The following CHL1 variants were observed in gnomAD, a reference collection of about 807,000 sequenced individuals.
CHL1 encodes the protein cell adhesion molecule L1 like.
CHL1 carries 96 observed loss-of-function variants against 141.9 expected under a neutral mutation model. The observed-to-expected ratio is 0.68, with a 90% confidence interval of 0.57 to 0.80. CHL1 has a LOEUF of 0.80. CHL1 is among the 30% of genes least tolerant of loss of function. The probability of loss-of-function intolerance (pLI) is 0.00; values close to 1 mark genes in which losing one functional copy is unlikely to be tolerated. For synonymous variants in CHL1, 613 were observed against 502.2 expected (o/e 1.22, Z -2.95); for missense variants, 1,820 against 1,457.2 (o/e 1.25, Z -4.05).
intron 1 of CHL1, among the ~76,000 whole-genome samples, chr3:240,715 T>A (rs914201027): frequency 2.6e-5 from 4 of 152,256 alleles, no homozygotes; most frequent in African/African-American, 9.6e-5. Context: ...TTCTAGAATT[T>A]TTATAGGTAT....
chr3:398,613 C>A (rs552425287), intron 25 of CHL1, among the ~76,000 whole-genome samples: 2 of 152,160 alleles, frequency 1.3e-5, no homozygotes, highest in Non-Finnish European at 2.9e-5. Flanking sequence ...CTAAAAATAT[C>A]TCCTGCTAAT....
chr3:250,611 A>T (rs1465850573), intron 2 of CHL1, among the ~76,000 whole-genome samples: 1 of 152,094 alleles, frequency 6.6e-6, no homozygotes, highest in Non-Finnish European at 1.5e-5. Flanking sequence ...TTTTAGGCCT[A>T]TAGTGGGGAG....
chr3:247,232 G>A (rs1191678109), intron 2 of CHL1: 2 of 151,736 alleles, frequency 1.3e-5, no homozygotes, highest in Admixed American at 6.6e-5. Flanking sequence ...CCAGGGCTTG[G>A]CTCCTGTACC....
At chr3:357,054 T>A (rs73814709) in intron 11 of CHL1, among the ~76,000 whole-genome samples, 1 of 152,218 alleles carries the variant, frequency 6.6e-6, no homozygotes, top group Non-Finnish European at 1.5e-5. Flanking sequence ...TGGATTTATT[T>A]TGAAATTGAG....
At chr3:236,051 C>T (rs889472289) in intron 1 of CHL1, among the ~76,000 whole-genome samples, 3 of 152,088 alleles carry the variant, frequency 2.0e-5, no homozygotes, top group African/African-American at 7.2e-5. Flanking sequence ...GTTTGGCTGC[C>T]TCAGCATTCA....
chr3:396,505 C>T (rs900666913), intron 24 of CHL1, among the ~76,000 whole-genome samples: 6 of 152,052 alleles, frequency 3.9e-5, no homozygotes, highest in Admixed American at 6.6e-5. Flanking sequence ...ATATATGTTG[C>T]GAAATTTGGG....
intron 2 of CHL1, among the ~76,000 whole-genome samples, chr3:314,329 G>GTGTGTATA (rs1455318071): frequency 1.5e-4 from 10 of 65,334 alleles, no homozygotes; most frequent in African/African-American, 4.7e-4. Context: ...CTCTCTATGT[G>GTGTGTATA]TATATATATA....
chr3:296,596 C>G (rs1052041120), intron 2 of CHL1, among the ~76,000 whole-genome samples: 5 of 152,136 alleles, frequency 3.3e-5, no homozygotes, highest in Non-Finnish European at 7.4e-5. Flanking sequence ...CTGTGACTAT[C>G]CACACTTGGG....
At chr3:258,401 C>T (rs1012665064) in intron 2 of CHL1, among the ~76,000 whole-genome samples, 3 of 152,216 alleles carry the variant, frequency 2.0e-5, no homozygotes, top group African/African-American at 7.2e-5. Flanking sequence ...ACATCTCTCC[C>T]TCTTGGGGCT....
chr3:387,705 TCA>T (rs1707870247), intron 19 of CHL1, among the ~76,000 whole-genome samples: 2 of 152,170 alleles, frequency 1.3e-5, no homozygotes, highest in African/African-American at 4.8e-5. Flanking sequence ...ATGGCCTAAT[TCA>T]CTGGGACAAT....
chr3:244,393 T>C (rs1692961165), intron 1 of CHL1, among the ~76,000 whole-genome samples: 1 of 152,226 alleles, frequency 6.6e-6, no homozygotes, highest in Non-Finnish European at 1.5e-5. Flanking sequence ...TTTGCATGCC[T>C]GCCCTCTCTC....
intron 2 of CHL1, among the ~76,000 whole-genome samples, chr3:314,323 CTATGTGTATA>C (rs1276963740): frequency 6.6e-5 from 4 of 60,158 alleles, no homozygotes; most frequent in African/African-American, 2.6e-4. Flanking sequence ...CTCTCTCTCT[CTATGTGTATA>C]TATATATATA....
intron 10 of CHL1, among the ~76,000 whole-genome samples, chr3:353,542 G>T (rs1389930147): frequency 2.0e-5 from 3 of 152,156 alleles, no homozygotes; most frequent in African/African-American, 7.2e-5. Flanking sequence ...ACACCCTGTG[G>T]AGTAATTACA....
chr3:299,559 C>A (rs1278652959), intron 2 of CHL1, among the ~76,000 whole-genome samples: 1 of 152,166 alleles, frequency 6.6e-6, no homozygotes, highest in Non-Finnish European at 1.5e-5. Context: ...ATATTAGGTA[C>A]ACATTTTTAA....
intron 2 of CHL1, among the ~76,000 whole-genome samples, chr3:261,386 G>A (rs2125195487): frequency 6.6e-6 from 1 of 151,724 alleles, no homozygotes; most frequent in Admixed American, 6.6e-5. Flanking sequence ...GGGAGAGAGA[G>A]CCTTCTCAAA....
In CHL1 at chr3:226,360, T is replaced by C. The variant is rs1010479738; in HGVS notation, c.-174-18253T>C. Among the ~76,000 whole-genome samples the C allele has an allele frequency of 7.7e-4, 73 of 94,830 alleles. 1 individual carries two copies. The highest frequency in any genetic ancestry group is 1.4e-3 in the Non-Finnish European group (64 of 44,962). 62.2% of individuals were successfully genotyped at this position (94,830 alleles called of 152,430 possible). A position where few individuals can be genotyped will look rare whatever the true frequency, so the allele number is the denominator to read the frequency against. On this transcript the variant is annotated intron_variant, in intron 1 of 27. Transcript: ENST00000256509. ...AAATTCTGTATTCTATTATATATTA[T>C]ATAATAGAATATTTTATATATATAT...
At chr3:197,716 A>G (rs1698479157) in intron 1 of CHL1, 1 of 440,326 alleles carries the variant, frequency 2.3e-6, no homozygotes. Flanking sequence ...GAAAACCCAG[A>G]GAGGGGCTAG....
At chr3:198,005 G>A in intron 1 of CHL1, 1 of 352,080 alleles carries the variant, frequency 2.8e-6, no homozygotes, top group South Asian at 2.1e-5. Flanking sequence ...CGGGCTCGCT[G>A]CGAGCCACAG....
At chr3:224,451 C>T (rs573053325) in intron 1 of CHL1, among the ~76,000 whole-genome samples, 18 of 152,148 alleles carry the variant, frequency 1.2e-4, no homozygotes, top group African/African-American at 1.7e-4. Context: ...GAACAGATCC[C>T]GTATGGCCTG....
Sources: allele counts gnomAD v4.1 joint callset (sites outside exome capture counted in the v4.1 genomes callset), GRCh38; gene constraint gnomAD v4.1.1; transcripts MANE v1.5; gene names NCBI Gene and HGNC (gene_info 2026-07-23, HGNC 2026-07-21).